KLC3: variants seen among roughly 807,000 people sequenced by gnomAD.
The protein encoded by KLC3 is kinesin light chain 3, also known as kinesin light chain 2.
A neutral mutation model predicts 62.9 loss-of-function variants in KLC3; 72 were observed. That is an observed-to-expected ratio of 1.15 (90% CI 0.95 to 1.39). KLC3 has a LOEUF of 1.39. Among genes scored for constraint, KLC3 ranks in the 40% most tolerant of loss-of-function variants. KLC3 has a pLI of 0.00. For missense variants in KLC3, 848 were observed against 691.6 expected, an observed-to-expected ratio of 1.23 and a Z score of -2.54; for synonymous variants, 377 against 300.5, an observed-to-expected ratio of 1.25 and a Z score of -2.63.
chr19:45,347,081 G>A (rs1356129698), intron 3 of KLC3: 4 of 435,172 alleles, frequency 9.2e-6, no homozygotes, highest in East Asian at 4.2e-5. Flanking sequence ...GGTGGCTCAC[G>A]CCTGTAATCC....
At chr19:45,345,870 G>A in intron 2 of KLC3, 71 bp downstream of exon 2, 1 of 1,445,516 alleles carries the variant, frequency 6.9e-7, no homozygotes, top group Non-Finnish European at 9.1e-7. Flanking sequence ...GCATGAGGGG[G>A]ACAGGTATGT....
intron 1 of KLC3, among the ~76,000 whole-genome samples, chr19:45,343,951 A>G (rs1971438269): frequency 6.6e-6 from 1 of 151,266 alleles, no homozygotes; most frequent in Non-Finnish European, 1.5e-5. Context: ...CAATCCTTCT[A>G]CCTCAGCCTC....
At chr19:45,347,571 C>A (rs775352007) in intron 4 of KLC3, 55 bp downstream of exon 4, 22 of 1,506,450 alleles carry the variant, frequency 1.5e-5, no homozygotes, top group African/African-American at 2.8e-5. Context: ...GGGGAGGGGG[C>A]TCTGAGCTGC....
In KLC3 at chr19:45,348,909, G is replaced by A. The variant is rs1422034217; in HGVS notation, c.957G>A (p.Glu319=). The A allele has an allele frequency of 5.7e-6, 9 of 1,580,012 alleles. No homozygotes were observed. Among genetic ancestry groups the A allele is most frequent in the Non-Finnish European group, 7.7e-6 (9 of 1,163,092 alleles). ...EAEPLCQRAL[E]IREKVLGADH... ...AGCCCCTGTGCCAGCGCGCTTTGGA[G>A]ATCCGAGAGAAGGTCCCATCCCCCT... The change falls in exon 7 of 13, where the codon GAG becomes GAA. Residue 319 remains glutamate, a synonymous_variant. Coordinates refer to ENST00000391946, the MANE Select transcript of KLC3 (RefSeq NM_177417.3).
intron 8 of KLC3, 90 bp from the exon 9 acceptor site, chr19:45,350,250 CT>C (rs1221950919): frequency 2.1e-5 from 20 of 933,840 alleles, no homozygotes; most frequent in Non-Finnish European, 2.7e-5. Context: ...ACCAAGACCC[CT>C]GTCTCTACAA....
chr19:45,345,861 C>A, intron 2 of KLC3, 62 bp downstream of exon 2: 2 of 1,474,482 alleles, frequency 1.4e-6, no homozygotes, highest in Non-Finnish European at 1.8e-6. Context: ...GAGGGCCAGG[C>A]ATGAGGGGGA....
chr19:45,349,671 G>C, intron 8 of KLC3, 69 bp downstream of exon 8: 1 of 1,292,008 alleles, frequency 7.7e-7, no homozygotes, highest in East Asian at 2.4e-5. Flanking sequence ...CCCATTGGTT[G>C]GATACAGGGT....
In KLC3 at chr19:45,349,619, TCA is replaced by T; in HGVS notation, c.1143+18_1143+19del. 1 of 1,554,882 alleles carries T rather than the reference TCA, an allele frequency of 6.4e-7. No homozygotes were observed. Among genetic ancestry groups the T allele is most frequent in the South Asian group, 1.1e-5 (1 of 89,032 alleles). On this transcript the variant is annotated intron_variant, in intron 8 of 12. Coordinates refer to ENST00000391946, the MANE Select transcript of KLC3 (RefSeq NM_177417.3). ...AACAACCTGGTGAGGCCCCTGGGGC[TCA>T]GAGTGGGCCAAGAGTGGAGGGTCCT...
In KLC3 at chr19:45,349,495, C is replaced by T; in HGVS notation, c.1036C>T (p.Gln346Ter). The T allele has an allele frequency of 1.9e-6, 3 of 1,613,762 alleles. No homozygotes were observed. Among genetic ancestry groups the T allele is most frequent in the African/African-American group, 1.3e-5 (1 of 75,036 alleles). The change falls in exon 8 of 13, where the codon CAG (glutamine) becomes TAG (stop). Residue 346 changes from glutamine (Q) to a stop codon, truncating the protein, a stop_gained. Coordinates refer to ENST00000391946, the MANE Select transcript of KLC3 (RefSeq NM_177417.3). LOFTEE classifies it high-confidence loss of function. The stretch of plus-strand genomic sequence containing the variant: ...CAACCTGGCCCTGCTGTGCCAGAAC[C>T]AGGGCAAGTTTGAGGACGTGGAGCG... The part of the protein sequence containing the change: ...LNNLALLCQN[Q>*]GKFEDVERHY...
At chr19:45,346,834 C>A (rs372686045) in intron 3 of KLC3, 60 bp downstream of exon 3, 21 of 1,072,864 alleles carry the variant, frequency 2.0e-5, no homozygotes, top group African/African-American at 2.9e-5. Flanking sequence ...CACAGTCCCC[C>A]AGACCCTCCT....
At position 45,347,564 on chromosome 19, in the gene KLC3, G is replaced by A. The variant is rs1278236935; in HGVS notation, c.559+48G>A. On this transcript the variant is annotated intron_variant, in intron 4 of 12. Transcript: ENST00000391946. ...ACAGAGGATGGCAGGCCAGGGTGGG[G>A]AGGGGGCTCTGAGCTGCAGGACCCC... is the stretch of plus-strand genomic sequence containing the variant. The A allele has an allele frequency of 1.9e-6, 3 of 1,544,640 alleles. No homozygotes were observed. In the South Asian group the frequency reaches 3.5e-5, roughly 18 times the overall value.
intron 12 of KLC3, 62 bp from the exon 13 acceptor site, chr19:45,351,224 G>A: frequency 6.3e-7 from 1 of 1,591,426 alleles, no homozygotes; most frequent in Non-Finnish European, 8.6e-7. Context: ...CCTGGAGCTG[G>A]AGGGTGGATG....
chr19:45,347,213 A>T, intron 3 of KLC3: 1 of 510,716 alleles, frequency 2.0e-6, no homozygotes, highest in South Asian at 2.5e-5. Flanking sequence ...GTGGTGGCAC[A>T]TGCCTGTAAT....
chr19:45,350,572 G>C (rs371191877), intron 10 of KLC3, 21 bp downstream of exon 10: 4 of 1,613,750 alleles, frequency 2.5e-6, no homozygotes, highest in Non-Finnish European at 3.4e-6. Flanking sequence ...GCTGTGCTTC[G>C]GCTCCTGGGG....
At chr19:45,344,736 GA>G (rs1203109050) in intron 1 of KLC3, 2 of 152,250 alleles carry the variant, frequency 1.3e-5, no homozygotes, top group South Asian at 4.1e-4. Context: ...AAGTCCCATA[GA>G]GGGGGGCCCC....
At chr19:45,346,898 C>A in intron 3 of KLC3, 124 bp downstream of exon 3, 1 of 907,796 alleles carries the variant, frequency 1.1e-6, no homozygotes, top group Non-Finnish European at 1.6e-6. Context: ...CCCCCAGACC[C>A]TCCTTAGAAT....
intron 1 of KLC3, among the ~76,000 whole-genome samples, chr19:45,341,808 G>A (rs977695860): frequency 6.7e-6 from 1 of 148,426 alleles, no homozygotes; most frequent in Non-Finnish European, 1.5e-5. Context: ...TGTGTAGAGA[G>A]GAACTAGAGG....
At chr19:45,347,362 A>G (rs1568523149) in intron 3 of KLC3, 85 bp from the exon 4 acceptor site, 2 of 1,064,442 alleles carry the variant, frequency 1.9e-6, no homozygotes, top group African/African-American at 3.3e-5. Flanking sequence ...AAAAACAAAA[A>G]AACAAAAACC....
At chr19:45,342,406 G>A (rs1397909046) in intron 1 of KLC3, among the ~76,000 whole-genome samples, 1 of 152,058 alleles carries the variant, frequency 6.6e-6, no homozygotes, top group Non-Finnish European at 1.5e-5. Flanking sequence ...GGGCAATATG[G>A]TGATACCCCG....
Sources: allele counts gnomAD v4.1 joint callset (sites outside exome capture counted in the v4.1 genomes callset), GRCh38; gene constraint gnomAD v4.1.1; transcripts MANE v1.5; gene names NCBI Gene and HGNC (gene_info 2026-07-23, HGNC 2026-07-21).